Variants in KLRG1 observed in about 807,000 individuals in gnomAD.
KLRG1 encodes the protein killer cell lectin-like receptor subfamily G member 1.
Under a neutral mutation model 21.8 loss-of-function variants are expected in KLRG1, and 16 were observed. The observed-to-expected ratio is 0.73, with a 90% CI of 0.50 to 1.11. The LOEUF (loss-of-function observed/expected upper bound fraction) is 1.11, where lower values mean the gene tolerates loss of function less well. Among genes scored for constraint, KLRG1 ranks in the 50% most tolerant of loss-of-function variants. The pLI, the probability that KLRG1 is intolerant of heterozygous loss-of-function variation, is 0.00. For missense variants in KLRG1, 173 were observed against 218.3 expected, an observed-to-expected ratio of 0.79 and a Z score of 1.31; for synonymous variants, 69 against 75.9, an observed-to-expected ratio of 0.91 and a Z score of 0.47.
the KLRG1 span, chr12:9,169,675 T>A: frequency 2.3e-6 from 3 of 1,292,106 alleles, no homozygotes; most frequent in Non-Finnish European, 3.1e-6. Context: ...AAAATAATTA[T>A]CACCAATCTT....
chr12:9,076,663 C>T, the KLRG1 span: 1 of 1,137,730 alleles, frequency 8.8e-7, no homozygotes, highest in African/African-American at 1.5e-5. Flanking sequence ...AGAGAGGAGA[C>T]AGGGATCACA....
intron 1 of KLRG1, among the ~76,000 whole-genome samples, chr12:8,968,160 T>A (rs930578010): frequency 1.3e-5 from 2 of 152,026 alleles, no homozygotes; most frequent in Non-Finnish European, 2.9e-5. Context: ...AATCACATTA[T>A]CTAAATGGCC....
chr12:9,139,534 T>C, the KLRG1 span, among the ~76,000 whole-genome samples: 82 of 152,328 alleles, frequency 5.4e-4, 2 homozygotes, highest in African/African-American at 1.9e-3. Context: ...GTATTGAAGT[T>C]TCCTACTATT....
At chr12:9,006,713 A>C (rs188850705) in intron 3 of KLRG1, among the ~76,000 whole-genome samples, 2 of 152,300 alleles carry the variant, frequency 1.3e-5, no homozygotes, top group African/African-American at 4.8e-5. Flanking sequence ...AAAGGTGAGG[A>C]TAATAATAGT....
At chr12:9,003,790 C>T (rs756210435) in intron 3 of KLRG1, among the ~76,000 whole-genome samples, 4 of 151,320 alleles carry the variant, frequency 2.6e-5, no homozygotes, top group African/African-American at 7.3e-5. Flanking sequence ...GCCATGCTGG[C>T]GTGCTGCACC....
At chr12:9,200,767 C>A in the KLRG1 span, 41 of 1,028,670 alleles carry the variant, frequency 4.0e-5, no homozygotes, top group African/African-American at 5.4e-4. Context: ...TCCTAATGGT[C>A]TTAGAAGCAG....
the KLRG1 span, among the ~76,000 whole-genome samples, chr12:9,027,075 G>C: frequency 6.7e-6 from 1 of 149,758 alleles, no homozygotes; most frequent in Non-Finnish European, 1.5e-5. Context: ...ACAACATGTT[G>C]TTTTGAAATA....
At chr12:9,179,464 T>C in the KLRG1 span, among the ~76,000 whole-genome samples, 1 of 152,180 alleles carries the variant, frequency 6.6e-6, no homozygotes, top group African/African-American at 2.4e-5. Flanking sequence ...TTAATATAAC[T>C]ATAGTCAAAA....
At chr12:9,187,949 G>A in the KLRG1 span, among the ~76,000 whole-genome samples, 1 of 152,254 alleles carries the variant, frequency 6.6e-6, no homozygotes, top group African/African-American at 2.4e-5. Flanking sequence ...AAACCCTGAT[G>A]GGGGTGGGGT....
intron 1 of KLRG1, among the ~76,000 whole-genome samples, chr12:8,977,264 C>T (rs1030022121): frequency 6.6e-6 from 1 of 150,560 alleles, no homozygotes; most frequent in Non-Finnish European, 1.5e-5. Flanking sequence ...AGTGCAGTGG[C>T]GTGATCTCGG....
the KLRG1 span, chr12:9,058,439 A>T: frequency 6.6e-6 from 1 of 152,134 alleles, no homozygotes; most frequent in Non-Finnish European, 1.5e-5. Context: ...AAATATTCAT[A>T]TGCTCATTTT....
the KLRG1 span, among the ~76,000 whole-genome samples, chr12:9,171,237 C>T: frequency 1.3e-5 from 2 of 152,108 alleles, no homozygotes; most frequent in Admixed American, 1.3e-4. Context: ...TGGAGTGGAC[C>T]CCCAGCAAAC....
chr12:9,105,298 TAG>T, the KLRG1 span, among the ~76,000 whole-genome samples: 1 of 152,230 alleles, frequency 6.6e-6, no homozygotes, highest in Non-Finnish European at 1.5e-5. Context: ...TTCTTCTAGC[TAG>T]AGAGTCTTAT....
chr12:9,036,071 T>C, the KLRG1 span, among the ~76,000 whole-genome samples: 1 of 152,076 alleles, frequency 6.6e-6, no homozygotes, highest in African/African-American at 2.4e-5. Flanking sequence ...ACGAAATCAT[T>C]TGTACACCCA....
chr12:9,154,881 A>C, the KLRG1 span: 6 of 1,541,870 alleles, frequency 3.9e-6, no homozygotes, highest in Non-Finnish European at 5.3e-6. Flanking sequence ...CTCATCAATA[A>C]GTAATTATAA....
chr12:9,197,365 A>G, the KLRG1 span, among the ~76,000 whole-genome samples: 3 of 142,684 alleles, frequency 2.1e-5, no homozygotes, highest in East Asian at 5.9e-4. Context: ...TTATATAAAT[A>G]TTTTTATATA....
chr12:9,114,015 A>G, the KLRG1 span, among the ~76,000 whole-genome samples: 2,396 of 152,294 alleles, frequency 0.016, 57 homozygotes, highest in African/African-American at 0.053. Context: ...ATTGTATGGT[A>G]AGCACTCGCT....
the KLRG1 span, among the ~76,000 whole-genome samples, chr12:9,083,146 A>G: frequency 5.3e-5 from 8 of 152,186 alleles, no homozygotes; most frequent in Non-Finnish European, 1.0e-4. Flanking sequence ...AAGGACAGAA[A>G]AACAAACACC....
chr12:9,158,749 TTTC>T, the KLRG1 span, among the ~76,000 whole-genome samples: 1 of 81,852 alleles, frequency 1.2e-5, no homozygotes, highest in Non-Finnish European at 2.4e-5. Context: ...TCTTTTTTCT[TTTC>T]TTTTCTTTTT....
Sources: gnomAD v4.1 joint callset for allele counts (sites outside exome capture counted in the v4.1 genomes callset) on GRCh38, gnomAD v4.1.1 for gene constraint, MANE v1.5 for transcripts, NCBI Gene and HGNC (gene_info 2026-07-23, HGNC 2026-07-21) for gene names.